The following PKIA variants were observed in gnomAD, a reference collection of about 807,000 sequenced individuals.
PKIA encodes PKI-alpha.
Under a neutral mutation model 7.6 loss-of-function variants are expected in PKIA, and 4 were observed. The observed-to-expected ratio is 0.52, with a 90% CI of 0.26 to 1.20. PKIA has a LOEUF of 1.20. Ranked by LOEUF, PKIA falls within the 50% of genes most tolerant of loss-of-function variation. The pLI is 0.13. For synonymous variants in PKIA, 21 were observed against 30.7 expected, an observed-to-expected ratio of 0.68 and a Z score of 1.04; for missense variants, 73 against 86.2, an observed-to-expected ratio of 0.85 and a Z score of 0.61.
In PKIA at chr8:78,585,216, T is replaced by G. The variant is rs575617762; in HGVS notation, c.-28+12277T>G. The stretch of plus-strand genomic sequence containing the variant: ...TTTGAAATGTCTATTGATTGATATA[T>G]CCATTATATATTTTATATATATGGG... On this transcript the variant is annotated intron_variant, in intron 2 of 3. Transcript: ENST00000396418. Among the ~76,000 whole-genome samples, 286 of 152,058 alleles carry G rather than the reference T, an allele frequency of 1.9e-3. 1 individual carries two copies. Among genetic ancestry groups the G allele is most frequent in the African/African-American group, 6.5e-3 (270 of 41,558 alleles).
intron 1 of PKIA, among the ~76,000 whole-genome samples, chr8:78,552,449 C>T (rs1040196578): frequency 1.3e-5 from 2 of 151,786 alleles, no homozygotes; most frequent in African/African-American, 2.4e-5. Flanking sequence ...TTTATGCTCC[C>T]GTGAGTCAAA....
intron 1 of PKIA, among the ~76,000 whole-genome samples, chr8:78,521,623 A>G (rs903626342): frequency 4.6e-5 from 7 of 152,064 alleles, no homozygotes; most frequent in African/African-American, 1.7e-4. Context: ...TTATAACTAT[A>G]TAAGTGTCTA....
Position 78,605,196 on chromosome 8 carries a change from GACTTTTGTATTT to G in PKIA, c.*3377_*3388del, listed in dbSNP as rs766476840. 8 of 151,922 alleles carry G rather than the reference GACTTTTGTATTT, an allele frequency of 5.3e-5. No individual in the cohort carries two copies. The highest frequency in any genetic ancestry group is 1.0e-4 in the Non-Finnish European group (7 of 67,934). The allele number at this position is 151,922 out of a possible 1,614,324, so 9.4% of individuals were successfully genotyped here. On this transcript the variant is annotated 3_prime_UTR_variant, in exon 4 of 4. Coordinates refer to ENST00000396418, the MANE Select transcript of PKIA (RefSeq NM_006823.4). ...TCTGAAGTCATTTGTGAGCTTGTAT[GACTTTTGTATTT>G]AGCAATGTTGCATGCTCACATAATT...
At chr8:78,589,398 A>T (rs1231275161) in intron 2 of PKIA, among the ~76,000 whole-genome samples, 2 of 152,234 alleles carry the variant, frequency 1.3e-5, no homozygotes, top group Non-Finnish European at 2.9e-5. Context: ...GTATTTTCTA[A>T]AGAAAGATAG....
intron 2 of PKIA, among the ~76,000 whole-genome samples, chr8:78,584,652 TA>T (rs1360705370): frequency 6.6e-6 from 1 of 152,164 alleles, no homozygotes; most frequent in Non-Finnish European, 1.5e-5. Flanking sequence ...TAGAGTTATG[TA>T]AATATGAAAG....
chr8:78,594,029 TC>T (rs1457626850), intron 2 of PKIA, among the ~76,000 whole-genome samples: 1 of 152,238 alleles, frequency 6.6e-6, no homozygotes, highest in African/African-American at 2.4e-5. Flanking sequence ...TGCAAACAAC[TC>T]TGCTAGAAAT....
intron 1 of PKIA, among the ~76,000 whole-genome samples, chr8:78,541,011 A>C (rs554388053): frequency 6.6e-6 from 1 of 152,220 alleles, no homozygotes; most frequent in South Asian, 2.1e-4. Context: ...TATACAAGGT[A>C]CATTTACAAA....
intron 3 of PKIA, 46 bp downstream of exon 3, chr8:78,598,581 C>T (rs371920242): frequency 6.3e-5 from 94 of 1,490,674 alleles, no homozygotes; most frequent in African/African-American, 1.2e-4. Flanking sequence ...GAATGATTTG[C>T]GGCATTTTAC....
chr8:78,534,421 T>C (rs973696111), intron 1 of PKIA: 1 of 152,158 alleles, frequency 6.6e-6, no homozygotes, highest in Non-Finnish European at 1.5e-5. Flanking sequence ...CAAGTTATTA[T>C]CAGCATTCAG....
At chr8:78,569,841 C>G (rs560627789) in intron 1 of PKIA, among the ~76,000 whole-genome samples, 145 of 152,162 alleles carry the variant, frequency 9.5e-4, no homozygotes, top group Non-Finnish European at 1.7e-3. Flanking sequence ...ATAGAGCTGA[C>G]AAATACAACA....
chr8:78,594,363 TAA>T (rs112951068), intron 2 of PKIA, among the ~76,000 whole-genome samples: 12,232 of 138,132 alleles, frequency 0.089, 514 homozygotes, highest in Middle Eastern at 0.11. Context: ...TGGTTGAAGT[TAA>T]AAAAAAAAAA....
chr8:78,582,360 T>C (rs1807832541), intron 2 of PKIA, among the ~76,000 whole-genome samples: 1 of 151,976 alleles, frequency 6.6e-6, no homozygotes, highest in African/African-American at 2.4e-5. Context: ...AGGCACCTCT[T>C]CACAGGGTGG....
chr8:78,595,114 G>A (rs1458906726), intron 2 of PKIA, among the ~76,000 whole-genome samples: 1 of 152,168 alleles, frequency 6.6e-6, no homozygotes, highest in Non-Finnish European at 1.5e-5. Context: ...TAGCCACCCA[G>A]TACTGAGATC....
intron 1 of PKIA, among the ~76,000 whole-genome samples, chr8:78,552,829 G>C (rs1020720717): frequency 6.6e-6 from 1 of 151,762 alleles, no homozygotes; most frequent in African/African-American, 2.4e-5. Flanking sequence ...ACTTAAAAAA[G>C]ATTGTTTATC....
intron 1 of PKIA, among the ~76,000 whole-genome samples, chr8:78,564,322 A>T (rs1292167783): frequency 6.6e-6 from 1 of 151,964 alleles, no homozygotes; most frequent in East Asian, 1.9e-4. Flanking sequence ...CTGTCACGTG[A>T]TTTTTCTCCA....
At chr8:78,521,230 G>C (rs1285991563) in intron 1 of PKIA, among the ~76,000 whole-genome samples, 1 of 152,038 alleles carries the variant, frequency 6.6e-6, no homozygotes, top group Non-Finnish European at 1.5e-5. Flanking sequence ...AGTTCTCTTA[G>C]GATGGACTTA....
chr8:78,595,948 G>A (rs1808216928), intron 2 of PKIA, among the ~76,000 whole-genome samples: 1 of 152,170 alleles, frequency 6.6e-6, no homozygotes, highest in African/African-American at 2.4e-5. Context: ...TCTTTAAAAT[G>A]CTTTCCACAG....
intron 1 of PKIA, among the ~76,000 whole-genome samples, chr8:78,532,121 T>C (rs1480395804): frequency 6.6e-6 from 1 of 152,124 alleles, no homozygotes; most frequent in African/African-American, 2.4e-5. Flanking sequence ...AATTATTTCA[T>C]CACCCAGGTA....
At chr8:78,552,384 T>C (rs1194366625) in intron 1 of PKIA, among the ~76,000 whole-genome samples, 1 of 151,746 alleles carries the variant, frequency 6.6e-6, no homozygotes, top group Admixed American at 6.6e-5. Flanking sequence ...ACTTAGTGCT[T>C]TTCTGGTGCA....
Sources: gnomAD v4.1 joint callset for allele counts (sites outside exome capture counted in the v4.1 genomes callset) on GRCh38, gnomAD v4.1.1 for gene constraint, MANE v1.5 for transcripts, NCBI Gene and HGNC (gene_info 2026-07-23, HGNC 2026-07-21) for gene names.